Variants in CSMD3 observed in about 807,000 individuals in gnomAD.
CSMD3 encodes the protein CUB and sushi domain-containing protein 3.
In CSMD3, 177 loss-of-function variants were observed where a neutral mutation model predicts 435.2. The observed-to-expected ratio is 0.41, with a 90% CI of 0.36 to 0.46. CSMD3 has a LOEUF of 0.46. Among genes scored for constraint, CSMD3 ranks in the 20% least tolerant of loss-of-function variants. CSMD3 has a pLI of 0.34. For missense variants in CSMD3, 4,265 were observed against 4,504.6 expected (o/e 0.95, Z 1.52); for synonymous variants, 1,656 against 1,520.5 (o/e 1.09, Z -2.07).
intron 41 of CSMD3, among the ~76,000 whole-genome samples, chr8:112,344,332 A>C (rs1361436430): frequency 6.6e-6 from 1 of 152,194 alleles, no homozygotes; most frequent in Non-Finnish European, 1.5e-5. Flanking sequence ...CTGTCTCCTC[A>C]TTATGACTGT....
At chr8:113,188,505 T>C (rs1272307738) in intron 3 of CSMD3, among the ~76,000 whole-genome samples, 2 of 151,992 alleles carry the variant, frequency 1.3e-5, no homozygotes, top group African/African-American at 2.4e-5. Flanking sequence ...GCAGTAATAG[T>C]GTGCAATTGG....
intron 3 of CSMD3, among the ~76,000 whole-genome samples, chr8:113,249,559 A>C (rs1404877206): frequency 6.6e-6 from 1 of 152,094 alleles, no homozygotes; most frequent in Non-Finnish European, 1.5e-5. Context: ...AATTTAAATA[A>C]GGTAAATAAA....
chr8:112,821,167 C>CA (rs2079520548), intron 12 of CSMD3, among the ~76,000 whole-genome samples: 1 of 152,168 alleles, frequency 6.6e-6, no homozygotes, highest in Admixed American at 6.5e-5. Context: ...GGCATATACC[C>CA]AGTAATGAGA....
At position 112,636,949 on chromosome 8, in the gene CSMD3, C is replaced by T. The variant is rs2131581687; in HGVS notation, c.3583G>A (p.Gly1195Arg). The change falls in exon 22 of 71, where the codon GGG becomes AGG. Residue 1195 changes from glycine to arginine, a missense_variant. Gly to Arg is a moderately radical substitution (Grantham distance 125). Around this residue, in one of 3 missense-constraint regions of CSMD3, gnomAD observed 3,255 missense variants for 3,380.2 expected, o/e 0.96. Coordinates refer to ENST00000297405, the MANE Select transcript of CSMD3 (RefSeq NM_198123.2). Reference protein sequence around the residue: ...PGIPQYGSRIGFNFGIGDTLT... With the variant: ...PGIPQYGSRIRFNFGIGDTLT... ...GTGTCACCAATCCCAAAGTTGAACC[C>T]GATTCGACTACCATATTGAGGAATG... The T allele has an allele frequency of 6.2e-7, 1 of 1,613,460 alleles. No individual in the cohort carries two copies. Among genetic ancestry groups the T allele is most frequent in the Non-Finnish European group, 8.5e-7 (1 of 1,179,686 alleles).
At chr8:112,383,928 T>C (rs961942273) in intron 36 of CSMD3, among the ~76,000 whole-genome samples, 34 of 152,340 alleles carry the variant, frequency 2.2e-4, no homozygotes, top group East Asian at 1.9e-4. Context: ...TCTCAGAACA[T>C]TCTCTTTTCA....
At chr8:112,527,274 T>C (rs1256062979) in intron 27 of CSMD3, among the ~76,000 whole-genome samples, 7 of 151,736 alleles carry the variant, frequency 4.6e-5, no homozygotes, top group Non-Finnish European at 1.0e-4. Context: ...AAAGGCATCA[T>C]ATGATATATA....
intron 5 of CSMD3, among the ~76,000 whole-genome samples, chr8:113,024,633 T>C (rs897139815): frequency 1.9e-4 from 29 of 152,322 alleles, no homozygotes; most frequent in African/African-American, 6.7e-4. Flanking sequence ...GTCTTTTTGA[T>C]AGTAGCCATT....
Position 112,292,682 on chromosome 8 carries a change from T to G in CSMD3, c.8643A>C (p.Pro2881=). ...VPVSCGHPGS[P]IYGRTSGNGF... ...CATTTCCACTTGTTCTTCCATAAAT[T>G]GGACTACCAGGGTGACCACAGCTAA... Residue 2881 remains proline, a synonymous_variant, in exon 55 of 71, where the codon CCA becomes CCC. Coordinates refer to ENST00000297405, the MANE Select transcript of CSMD3 (RefSeq NM_198123.2). 1 of 1,613,800 alleles carries G rather than the reference T, an allele frequency of 6.2e-7. No individual in the cohort carries two copies. The highest frequency in any genetic ancestry group is 8.5e-7 in the Non-Finnish European group (1 of 1,179,796).
chr8:112,515,425 T>C (rs1021521938), intron 28 of CSMD3, among the ~76,000 whole-genome samples: 3 of 152,274 alleles, frequency 2.0e-5, no homozygotes, highest in African/African-American at 2.4e-5. Context: ...TTTTGGTTAA[T>C]TGAGTAGTAA....
At chr8:112,534,919 A>C (rs1339414769) in intron 27 of CSMD3, among the ~76,000 whole-genome samples, 1 of 152,244 alleles carries the variant, frequency 6.6e-6, no homozygotes, top group Admixed American at 6.5e-5. Flanking sequence ...AACGGAACCA[A>C]AGAAAAAAAC....
At chr8:112,468,233 TA>T (rs150573167) in intron 32 of CSMD3, among the ~76,000 whole-genome samples, 25,486 of 124,490 alleles carry the variant, frequency 0.2, 2,631 homozygotes, top group East Asian at 0.31. Context: ...TTGCCTAAAG[TA>T]TTTTTTTTTT....
chr8:112,783,482 G>A (rs1441125661), intron 13 of CSMD3, among the ~76,000 whole-genome samples: 3 of 96,754 alleles, frequency 3.1e-5, no homozygotes, highest in Non-Finnish European at 4.2e-5. Context: ...AGGAAGGAAG[G>A]GAGAGAAGGG....
At position 112,976,003 on chromosome 8, in the gene CSMD3, C is replaced by T. The variant is rs2130933811; in HGVS notation, c.1176G>A (p.Glu392=). The T allele has an allele frequency of 1.2e-6, 2 of 1,613,974 alleles. No homozygotes were observed. The highest frequency in any genetic ancestry group is 1.7e-6 in the Non-Finnish European group (2 of 1,179,934). The change falls in exon 7 of 71, where the codon GAG becomes GAA. Residue 392 remains glutamate (E), a synonymous_variant. Transcript: ENST00000297405. ...VTAVTIHRLS[E]EQRVQVTSLR... ...GACTCGTAACTTGCACTCGCTGTTC[C>T]TCGGAAAGTCTATGGATGGTGACAG...
chr8:112,899,486 T>C (rs957906372), intron 10 of CSMD3, among the ~76,000 whole-genome samples: 4 of 146,254 alleles, frequency 2.7e-5, no homozygotes, highest in South Asian at 2.1e-4. Context: ...TCTAAAGCAT[T>C]CACTAAAGAC....
At chr8:112,400,850 G>C (rs1831271159) in intron 35 of CSMD3, among the ~76,000 whole-genome samples, 1 of 152,072 alleles carries the variant, frequency 6.6e-6, no homozygotes, top group African/African-American at 2.4e-5. Context: ...AAAACACTTT[G>C]CAATAATCAT....
At position 113,106,965 on chromosome 8, in the gene CSMD3, G is replaced by T. The variant is rs569133336; in HGVS notation, c.710-8002C>A. Among the ~76,000 whole-genome samples, 25 of 152,046 alleles carry T rather than the reference G, an allele frequency of 1.6e-4. No individual in the cohort carries two copies. The South Asian group carries it at 4.8e-3, about 29-fold the overall frequency. Reference sequence around the variant, plus strand: ...AGAGTTGTATAACCATCACCACAATGAATTTTAGAACATTTTCATCACCCC... The same window carrying T: ...AGAGTTGTATAACCATCACCACAATTAATTTTAGAACATTTTCATCACCCC... On this transcript the variant is annotated intron_variant, in intron 4 of 70. Transcript: ENST00000297405.
intron 2 of CSMD3, among the ~76,000 whole-genome samples, chr8:113,302,019 A>G (rs1036336245): frequency 1.3e-5 from 2 of 151,220 alleles, no homozygotes; most frequent in South Asian, 2.1e-4. Flanking sequence ...AATTCAATAA[A>G]TTTATCTGAT....
At chr8:112,973,678 G>A (rs758824855) in intron 7 of CSMD3, among the ~76,000 whole-genome samples, 11 of 151,790 alleles carry the variant, frequency 7.2e-5, no homozygotes, top group Non-Finnish European at 1.0e-4. Context: ...TATATTTTGA[G>A]AACTTCAGAA....
chr8:112,856,471 T>A (rs2080661994), intron 11 of CSMD3, among the ~76,000 whole-genome samples: 1 of 151,878 alleles, frequency 6.6e-6, no homozygotes, highest in Non-Finnish European at 1.5e-5. Context: ...GAGGGAAGTA[T>A]GTTTCTGAGG....
Sources: gnomAD v4.1 joint callset for allele counts (sites outside exome capture counted in the v4.1 genomes callset) on GRCh38, gnomAD v4.1.1 for gene constraint, gnomAD v4.1.1 regional missense constraint, MANE v1.5 for transcripts, NCBI Gene and HGNC (gene_info 2026-07-23, HGNC 2026-07-21) for gene names.